Variants in PRIM2 observed in about 807,000 individuals in gnomAD.
The protein encoded by PRIM2 is DNA primase large subunit.
Under a neutral mutation model 67.3 loss-of-function variants are expected in PRIM2, and 39 were observed. That is an observed-to-expected ratio of 0.58 (90% CI 0.45 to 0.76). The LOEUF (loss-of-function observed/expected upper bound fraction) is 0.76, where lower values mean the gene tolerates loss of function less well. PRIM2 is among the 30% of genes least tolerant of loss of function. The pLI is 0.00. For synonymous variants in PRIM2, 143 were observed against 198.7 expected (o/e 0.72, Z 2.36); for missense variants, 398 against 598.7 (o/e 0.66, Z 3.50).
chr6:57,278,337 C>T, the PRIM2 span, among the ~76,000 whole-genome samples: 2 of 151,920 alleles, frequency 1.3e-5, no homozygotes, highest in African/African-American at 4.8e-5. Flanking sequence ...AAAAAAAATT[C>T]TACCTTTGGA....
At chr6:57,262,483 G>A in the PRIM2 span, among the ~76,000 whole-genome samples, 5 of 152,154 alleles carry the variant, frequency 3.3e-5, no homozygotes, top group African/African-American at 1.2e-4. Context: ...CTTCTGCCCT[G>A]TTATTTTGCT....
chr6:57,526,261 T>C (rs1298112554), intron 8 of PRIM2, among the ~76,000 whole-genome samples: 5 of 152,224 alleles, frequency 3.3e-5, no homozygotes, highest in African/African-American at 1.2e-4. Flanking sequence ...ACTACTTTTC[T>C]ATAACTTGAG....
At chr6:57,643,510 A>G (rs1244337695) in intron 13 of PRIM2, among the ~76,000 whole-genome samples, 1 of 152,206 alleles carries the variant, frequency 6.6e-6, no homozygotes, top group African/African-American at 2.4e-5. Flanking sequence ...TGGATTCCCC[A>G]AGGTCTTTCT....
rs1461805809 is a variant in PRIM2 at position 57,428,466 on chromosome 6, A to T, written c.693+46298A>T. ...TATACTTGAAGAAAGAAGTAATAAA[A>T]CTATTGATAATCTTTGCCTAAAACC... On this transcript the variant is annotated intron_variant, in intron 7 of 13. Transcript: ENST00000615550. 2.6e-5 allele frequency among the ~76,000 whole-genome samples: 4 copies of T among 152,192 alleles called. No individual in the cohort carries two copies. The South Asian group carries it at 6.2e-4, about 24-fold the overall frequency.
intron 7 of PRIM2, among the ~76,000 whole-genome samples, chr6:57,455,688 G>T (rs544673254): frequency 6.6e-6 from 1 of 152,138 alleles, no homozygotes; most frequent in African/African-American, 2.4e-5. Context: ...GTCTCCGCAT[G>T]TGAGATGGGT....
intron 5 of PRIM2, among the ~76,000 whole-genome samples, chr6:57,347,253 G>T (rs558459542): frequency 6.6e-6 from 1 of 152,244 alleles, no homozygotes; most frequent in African/African-American, 2.4e-5. Context: ...ACTGTTTCCA[G>T]ACTTGGATGG....
In PRIM2 at chr6:57,527,304, A is replaced by G. The variant is rs1469345888; in HGVS notation, c.762-5107A>G. ...AATTACAGTTTTATTGTTTAGGCTAAATAGTTTTTATCTTGTGGAAAGTGA... is the reference window on the plus strand; with the variant it reads ...AATTACAGTTTTATTGTTTAGGCTAGATAGTTTTTATCTTGTGGAAAGTGA... On this transcript the variant is annotated intron_variant, in intron 8 of 13. Coordinates refer to ENST00000615550, the MANE Select transcript of PRIM2 (RefSeq NM_000947.5). Among the ~76,000 whole-genome samples the G allele has an allele frequency of 2.4e-4, 37 of 152,206 alleles. 1 individual carries two copies.
At chr6:57,604,522 T>C (rs1372653955) in intron 11 of PRIM2, among the ~76,000 whole-genome samples, 1 of 152,026 alleles carries the variant, frequency 6.6e-6, no homozygotes, top group Non-Finnish European at 1.5e-5. Flanking sequence ...GTGGTGAGAG[T>C]GGGCATCCTT....
At chr6:57,598,301 T>A (rs1582012408) in intron 10 of PRIM2, among the ~76,000 whole-genome samples, 3 of 152,194 alleles carry the variant, frequency 2.0e-5, no homozygotes, top group Non-Finnish European at 2.9e-5. Flanking sequence ...ACAAACATAT[T>A]TTTTTCAGAG....
intron 7 of PRIM2, among the ~76,000 whole-genome samples, chr6:57,410,101 A>G (rs1391003054): frequency 1.1e-4 from 17 of 151,978 alleles, no homozygotes; most frequent in Admixed American, 1.1e-3. Context: ...GGTGGATCAC[A>G]TGAGGTCAGG....
At chr6:57,633,203 C>G (rs1777063672) in intron 13 of PRIM2, among the ~76,000 whole-genome samples, 2 of 152,218 alleles carry the variant, frequency 1.3e-5, no homozygotes, top group South Asian at 2.1e-4. Flanking sequence ...CAATTCAGTC[C>G]TCTGGCCCCT....
chr6:57,348,001 T>C (rs1768733036), intron 5 of PRIM2, among the ~76,000 whole-genome samples: 2 of 152,318 alleles, frequency 1.3e-5, no homozygotes, highest in South Asian at 4.2e-4. Flanking sequence ...TACATTAGTT[T>C]CGGAAATTAA....
intron 10 of PRIM2, among the ~76,000 whole-genome samples, chr6:57,572,978 T>C (rs1485500805): frequency 3.3e-4 from 50 of 152,320 alleles, no homozygotes; most frequent in Non-Finnish European, 4.4e-4. Flanking sequence ...GTTTTTGCTC[T>C]GTCTCCCAGG....
intron 7 of PRIM2, among the ~76,000 whole-genome samples, chr6:57,480,615 C>G (rs1301554673): frequency 6.6e-6 from 1 of 152,032 alleles, no homozygotes; most frequent in African/African-American, 2.4e-5. Context: ...ACTTATTCTC[C>G]ATTTCTCTGA....
At chr6:57,544,750 G>A (rs1209972124) in intron 10 of PRIM2, among the ~76,000 whole-genome samples, 1 of 152,064 alleles carries the variant, frequency 6.6e-6, no homozygotes, top group Non-Finnish European at 1.5e-5. Flanking sequence ...CTATATAAAA[G>A]CAGGTATCTT....
chr6:57,221,686 A>G, the PRIM2 span: 1 of 152,132 alleles, frequency 6.6e-6, no homozygotes, highest in Non-Finnish European at 1.5e-5. Context: ...CCCTCGCTCC[A>G]CCCCTCTTTC....
intron 10 of PRIM2, among the ~76,000 whole-genome samples, chr6:57,560,971 G>A (rs1332403140): frequency 6.6e-6 from 1 of 152,184 alleles, no homozygotes; most frequent in African/African-American, 2.4e-5. Context: ...GAAAGTTAGG[G>A]GCTAATTTGA....
At chr6:57,513,919 C>A (rs1774424641) in intron 8 of PRIM2, among the ~76,000 whole-genome samples, 1 of 152,150 alleles carries the variant, frequency 6.6e-6, no homozygotes, top group South Asian at 2.1e-4. Context: ...GTATTTGTCA[C>A]ACCACAATTT....
chr6:57,644,158 G>A (rs1777294087), intron 13 of PRIM2, among the ~76,000 whole-genome samples: 1 of 152,090 alleles, frequency 6.6e-6, no homozygotes, highest in African/African-American at 2.4e-5. Context: ...TCTCAGGCTG[G>A]CCCCTGCCTG....
Sources: allele counts gnomAD v4.1 joint callset (sites outside exome capture counted in the v4.1 genomes callset), GRCh38; gene constraint gnomAD v4.1.1; transcripts MANE v1.5; gene names NCBI Gene and HGNC (gene_info 2026-07-23, HGNC 2026-07-21).